DLG2: variants seen among roughly 807,000 people sequenced by gnomAD.
DLG2 encodes the protein disks large homolog 2.
In DLG2, 45 loss-of-function variants were observed where a neutral mutation model predicts 132.5. The observed-to-expected ratio is 0.34, with a 90% CI of 0.27 to 0.44. DLG2 has a LOEUF of 0.44. Among genes scored for constraint, DLG2 ranks in the 20% least tolerant of loss-of-function variants. DLG2 has a pLI of 1.00. For synonymous variants in DLG2, 424 were observed against 419.6 expected (o/e 1.01, Z -0.13); for missense variants, 1,045 against 1,196.9 (o/e 0.87, Z 1.87).
At position 85,412,335 on chromosome 11, in the gene DLG2, T is replaced by C. The variant is rs1249484346; in HGVS notation, c.41-126970A>G. 2.0e-5 allele frequency among the ~76,000 whole-genome samples: 3 copies of C among 151,814 alleles called. No individual in the cohort carries two copies. In the East Asian group the frequency reaches 5.8e-4, roughly 29 times the overall value. On this transcript the variant is annotated intron_variant, in intron 3 of 27. Transcript: ENST00000376104. ...CCCTAGGATGAAACAACATGATGGA[T>C]GGTAGGGAGGTAAGACAGAGGAACC...
chr11:83,883,052 T>G (rs2066746809), intron 15 of DLG2, among the ~76,000 whole-genome samples: 1 of 152,202 alleles, frequency 6.6e-6, no homozygotes, highest in African/African-American at 2.4e-5. Context: ...TCAAGCATGT[T>G]TGTCCCAGCA....
At chr11:84,539,035 C>T (rs1053854580) in intron 6 of DLG2, among the ~76,000 whole-genome samples, 3 of 151,956 alleles carry the variant, frequency 2.0e-5, no homozygotes, top group African/African-American at 7.3e-5. Context: ...ATATTAACAC[C>T]AACATTAATG....
chr11:84,606,261 G>A (rs1593549671), intron 6 of DLG2, among the ~76,000 whole-genome samples: 1 of 152,098 alleles, frequency 6.6e-6, no homozygotes, highest in Non-Finnish European at 1.5e-5. Context: ...CACAATATTA[G>A]GGAAGTGGAT....
At chr11:84,448,555 T>TA (rs1234969389) in intron 7 of DLG2, among the ~76,000 whole-genome samples, 1 of 152,034 alleles carries the variant, frequency 6.6e-6, no homozygotes, top group African/African-American at 2.4e-5. Flanking sequence ...TCTGCAGCCC[T>TA]ATCCACCTTA....
intron 7 of DLG2, among the ~76,000 whole-genome samples, chr11:84,287,202 C>A (rs1045101937): frequency 6.6e-6 from 1 of 152,104 alleles, no homozygotes; most frequent in African/African-American, 2.4e-5. Context: ...AAGCTCTGCC[C>A]ATATCCCAGA....
chr11:83,963,403 T>C (rs7952365), intron 13 of DLG2, among the ~76,000 whole-genome samples: 22,580 of 151,854 alleles, frequency 0.15, 2,180 homozygotes, highest in African/African-American at 0.27. Context: ...TTACTGAGAG[T>C]AAAAGCCTCC....
intron 6 of DLG2, among the ~76,000 whole-genome samples, chr11:84,842,349 C>T (rs912476521): frequency 6.6e-6 from 1 of 151,950 alleles, no homozygotes; most frequent in Non-Finnish European, 1.5e-5. Flanking sequence ...TCCAGGGCCA[C>T]CAATTAATGC....
intron 6 of DLG2, among the ~76,000 whole-genome samples, chr11:84,898,323 C>T (rs1398136493): frequency 6.6e-6 from 1 of 151,804 alleles, no homozygotes; most frequent in Non-Finnish European, 1.5e-5. Flanking sequence ...GGTTTCTTTC[C>T]TTGTTCTAAA....
At chr11:83,567,706 T>A (rs1376075535) in intron 19 of DLG2, among the ~76,000 whole-genome samples, 1 of 152,098 alleles carries the variant, frequency 6.6e-6, no homozygotes. Flanking sequence ...TGGAGCACAG[T>A]CTGTCTGGGT....
At chr11:84,202,039 G>T (rs1032728623) in intron 8 of DLG2, among the ~76,000 whole-genome samples, 2 of 151,622 alleles carry the variant, frequency 1.3e-5, no homozygotes, top group Non-Finnish European at 2.9e-5. Flanking sequence ...GGCTGGTCTC[G>T]AACTCCTGAC....
chr11:84,274,259 G>C (rs144473763), intron 7 of DLG2, among the ~76,000 whole-genome samples: 4 of 152,238 alleles, frequency 2.6e-5, no homozygotes, highest in African/African-American at 7.2e-5. Context: ...GAAGGTGCTA[G>C]GAGGTAAGGC....
At chr11:84,482,831 G>C (rs1297110522) in intron 7 of DLG2, among the ~76,000 whole-genome samples, 2 of 152,120 alleles carry the variant, frequency 1.3e-5, no homozygotes, top group East Asian at 3.8e-4. Context: ...ACTGCTGAAT[G>C]TCTGAATAAA....
In DLG2 at chr11:83,886,179, T is replaced by G. The variant is rs57737163; in HGVS notation, c.1497-11691A>C. On this transcript the variant is annotated intron_variant, in intron 15 of 27. Coordinates refer to ENST00000376104, the MANE Select transcript of DLG2 (RefSeq NM_001142699.3). ...AAATTGGATAAAGAGTCAAGACCCA[T>G]CAGTGTGCTGTATTCAGGAAACCCA... 5.3e-4 allele frequency among the ~76,000 whole-genome samples: 80 copies of G among 152,236 alleles called. 2 individuals carry two copies. The East Asian group carries it at 8.9e-3, about 17-fold the overall frequency.
At chr11:85,433,500 G>C (rs1262345753) in intron 3 of DLG2, among the ~76,000 whole-genome samples, 1 of 152,074 alleles carries the variant, frequency 6.6e-6, no homozygotes, top group Admixed American at 6.6e-5. Flanking sequence ...GCAGAAAAAA[G>C]CAGAGACTAG....
intron 15 of DLG2, among the ~76,000 whole-genome samples, chr11:83,876,863 T>C (rs989710030): frequency 6.6e-6 from 1 of 152,132 alleles, no homozygotes; most frequent in African/African-American, 2.4e-5. Context: ...GCATTTCTAA[T>C]ATGGTCTCTA....
chr11:84,101,215 T>G (rs993078559), intron 9 of DLG2, among the ~76,000 whole-genome samples: 8 of 152,112 alleles, frequency 5.3e-5, no homozygotes, highest in Admixed American at 3.3e-4. Context: ...AGTGACCTGG[T>G]GACATAGAGA....
At chr11:85,054,771 CA>C (rs1214785937) in intron 6 of DLG2, among the ~76,000 whole-genome samples, 2 of 152,130 alleles carry the variant, frequency 1.3e-5, no homozygotes, top group Non-Finnish European at 2.9e-5. Context: ...AACAGAAAAA[CA>C]AATACTGCAT....
intron 6 of DLG2, among the ~76,000 whole-genome samples, chr11:84,998,358 C>G (rs1640617893): frequency 6.6e-6 from 1 of 152,086 alleles, no homozygotes; most frequent in African/African-American, 2.4e-5. Flanking sequence ...TTCCCATTTG[C>G]ATTCATTCTC....
intron 18 of DLG2, among the ~76,000 whole-genome samples, chr11:83,734,757 T>C (rs2091656618): frequency 6.6e-6 from 1 of 152,208 alleles, no homozygotes; most frequent in Non-Finnish European, 1.5e-5. Context: ...AGCCCATAGT[T>C]TTCTTTAAAA....
Sources: gnomAD v4.1 joint callset for allele counts (sites outside exome capture counted in the v4.1 genomes callset) on GRCh38, gnomAD v4.1.1 for gene constraint, MANE v1.5 for transcripts, NCBI Gene and HGNC (gene_info 2026-07-23, HGNC 2026-07-21) for gene names.